The following CADM1 variants were observed in gnomAD, a reference collection of about 807,000 sequenced individuals.
The protein encoded by CADM1 is TSLC-1.
Under a neutral mutation model 53.1 loss-of-function variants are expected in CADM1, and 15 were observed. The observed-to-expected ratio is 0.28, with a 90% CI of 0.19 to 0.44. CADM1 has a LOEUF of 0.44. CADM1 is among the 20% of genes least tolerant of loss of function. The probability of loss-of-function intolerance (pLI) is 1.00; values close to 1 mark genes in which losing one functional copy is unlikely to be tolerated. For synonymous variants in CADM1, 281 were observed against 243.0 expected (o/e 1.16, Z -1.45); for missense variants, 434 against 611.3 (o/e 0.71, Z 3.06).
chr11:115,392,150 T>A (rs1946851298), intron 1 of CADM1, among the ~76,000 whole-genome samples: 1 of 152,154 alleles, frequency 6.6e-6, no homozygotes, highest in Non-Finnish European at 1.5e-5. Flanking sequence ...GCTTATTTTT[T>A]TCCATAGTTG....
chr11:115,459,254 AG>A (rs2135368849), intron 1 of CADM1, among the ~76,000 whole-genome samples: 1 of 152,294 alleles, frequency 6.6e-6, no homozygotes, highest in African/African-American at 2.4e-5. Context: ...ATCTTACTGC[AG>A]ATTACTCTCT....
intron 1 of CADM1, among the ~76,000 whole-genome samples, chr11:115,429,209 T>G (rs1947975539): frequency 6.6e-6 from 1 of 151,626 alleles, no homozygotes; most frequent in Admixed American, 6.6e-5. Flanking sequence ...AAAAAAATGA[T>G]TTATTAAAAA....
intron 2 of CADM1, 130 bp downstream of exon 2, chr11:115,240,144 C>T (rs1942173376): frequency 1.2e-6 from 1 of 804,224 alleles, no homozygotes; most frequent in Non-Finnish European, 2.0e-6. Flanking sequence ...TCTCTTCTTC[C>T]CTCTAAAGAA....
intron 10 of CADM1, among the ~76,000 whole-genome samples, chr11:115,188,848 ATTTTG>A (rs1423205962): frequency 1.3e-5 from 2 of 151,934 alleles, no homozygotes; most frequent in Non-Finnish European, 2.9e-5. Flanking sequence ...AAAATAATGT[ATTTTG>A]TTTTAATAAA....
chr11:115,178,555 C>A, intron 11 of CADM1, 89 bp downstream of exon 11: 3 of 1,155,778 alleles, frequency 2.6e-6, no homozygotes, highest in East Asian at 3.0e-5. Flanking sequence ...CCACATACAT[C>A]AAATTGCCTA....
chr11:115,208,028 T>A (rs995127127), intron 8 of CADM1, among the ~76,000 whole-genome samples: 11 of 152,194 alleles, frequency 7.2e-5, no homozygotes, highest in African/African-American at 2.7e-4. Context: ...ATCTTTGATA[T>A]GCTGGTGAAT....
intron 1 of CADM1, among the ~76,000 whole-genome samples, chr11:115,428,812 T>C (rs1947966751): frequency 6.6e-6 from 1 of 152,072 alleles, no homozygotes; most frequent in Admixed American, 6.5e-5. Context: ...TGTGTGCGCA[T>C]ATGAGCAGAC....
intron 1 of CADM1, among the ~76,000 whole-genome samples, chr11:115,279,188 C>T (rs1943523002): frequency 6.6e-6 from 1 of 152,084 alleles, no homozygotes; most frequent in Admixed American, 6.6e-5. Flanking sequence ...CTTTAACAAC[C>T]CATAAGTCAG....
At chr11:115,190,528 T>C (rs1939795861) in intron 10 of CADM1, 1 of 178,474 alleles carries the variant, frequency 5.6e-6, no homozygotes, top group South Asian at 1.7e-4. Flanking sequence ...TCTTGTCACA[T>C]AATCCAACAT....
chr11:115,318,015 C>A (rs78244691), intron 1 of CADM1, among the ~76,000 whole-genome samples: 3 of 139,490 alleles, frequency 2.2e-5, no homozygotes, highest in Non-Finnish European at 4.7e-5. Context: ...CACACACACA[C>A]AATAAAAGTA....
chr11:115,454,638 T>A (rs926725230), intron 1 of CADM1, among the ~76,000 whole-genome samples: 9 of 152,174 alleles, frequency 5.9e-5, no homozygotes, highest in African/African-American at 1.9e-4. Context: ...ACTGGCAAAA[T>A]GGCAAACCAA....
At chr11:115,210,691 T>A (rs546760338) in intron 7 of CADM1, among the ~76,000 whole-genome samples, 2 of 152,348 alleles carry the variant, frequency 1.3e-5, no homozygotes, top group South Asian at 4.1e-4. Flanking sequence ...ACATCTGGTG[T>A]CCTTTTATCT....
At chr11:115,221,110 C>A (rs948057478) in intron 5 of CADM1, among the ~76,000 whole-genome samples, 7 of 152,164 alleles carry the variant, frequency 4.6e-5, no homozygotes, top group African/African-American at 1.7e-4. Context: ...AGGCCAAAAG[C>A]CAGACGATAC....
rs576570103 is a variant in CADM1 at position 115,242,487 on chromosome 11, T to C, written c.125-2067A>G. On this transcript the variant is annotated intron_variant, in intron 1 of 11. Transcript: ENST00000331581. ...GAAAATTTCTACCAATCAAGTGAGG[T>C]TTTCAAGGTGGTTTTGCTGGCCCTG... Among the ~76,000 whole-genome samples, 10 of 151,144 alleles carry C rather than the reference T, an allele frequency of 6.6e-5. 1 individual carries two copies. Among genetic ancestry groups the C allele is most frequent in the African/African-American group, 2.4e-4 (10 of 41,144 alleles).
chr11:115,416,174 CACTG>C (rs918581872), intron 1 of CADM1, among the ~76,000 whole-genome samples: 1 of 152,190 alleles, frequency 6.6e-6, no homozygotes, highest in Non-Finnish European at 1.5e-5. Context: ...CCACAGAAGA[CACTG>C]ACAGAAAATT....
chr11:115,200,186 A>G (rs1443942754), intron 8 of CADM1, among the ~76,000 whole-genome samples: 1 of 152,248 alleles, frequency 6.6e-6, no homozygotes, highest in Admixed American at 6.5e-5. Flanking sequence ...ACCGCATAAG[A>G]ACAAAATACT....
intron 1 of CADM1, among the ~76,000 whole-genome samples, chr11:115,467,881 C>T (rs1045197221): frequency 6.6e-5 from 10 of 152,204 alleles, no homozygotes; most frequent in African/African-American, 2.4e-4. Flanking sequence ...CACATCCATA[C>T]ATCCTCTGGA....
intron 3 of CADM1, among the ~76,000 whole-genome samples, chr11:115,232,019 C>T (rs867838621): frequency 4.6e-5 from 7 of 150,636 alleles, no homozygotes; most frequent in Admixed American, 1.3e-4. Context: ...ATAATAACAA[C>T]AACAACAACA....
chr11:115,407,195 A>G (rs185144522), intron 1 of CADM1, among the ~76,000 whole-genome samples: 6 of 152,318 alleles, frequency 3.9e-5, no homozygotes, highest in Admixed American at 1.3e-4. Flanking sequence ...AGGCTAAAAA[A>G]GACCCCATTC....
Sources: gnomAD v4.1 joint callset for allele counts (sites outside exome capture counted in the v4.1 genomes callset) on GRCh38, gnomAD v4.1.1 for gene constraint, MANE v1.5 for transcripts, NCBI Gene and HGNC (gene_info 2026-07-23, HGNC 2026-07-21) for gene names.